The following PDE4D variants were observed in gnomAD, a reference collection of about 807,000 sequenced individuals.
PDE4D encodes the protein phosphodiesterase 4D, also known as 3',5'-cyclic-AMP phosphodiesterase 4D.
PDE4D carries 24 observed loss-of-function variants against 87.4 expected under a neutral mutation model. The ratio of observed to expected loss-of-function variants is 0.27; its 90% CI spans 0.20 to 0.39. The LOEUF is 0.39. Among genes scored for constraint, PDE4D ranks in the 10% least tolerant of loss-of-function variants. The pLI is 1.00. For missense variants in PDE4D, 714 were observed against 1,041.0 expected, an observed-to-expected ratio of 0.69 and a Z score of 4.32; for synonymous variants, 384 against 383.2, an observed-to-expected ratio of 1.00 and a Z score of -0.02.
intron 5 of PDE4D, among the ~76,000 whole-genome samples, chr5:59,127,372 T>C (rs1321379483): frequency 1.3e-5 from 2 of 152,178 alleles, no homozygotes; most frequent in Admixed American, 1.3e-4. Flanking sequence ...GCACAGTTTG[T>C]TTTATGTGCA....
At chr5:59,618,467 C>G (rs535453741) in intron 1 of PDE4D, among the ~76,000 whole-genome samples, 2 of 152,074 alleles carry the variant, frequency 1.3e-5, no homozygotes, top group Admixed American at 6.6e-5. Context: ...ACAGAACAGG[C>G]GTCGGGTTCT....
intron 5 of PDE4D, among the ~76,000 whole-genome samples, chr5:59,055,266 T>C (rs1441022276): frequency 6.6e-6 from 1 of 152,262 alleles, no homozygotes; most frequent in East Asian, 1.9e-4. Context: ...CCTCCCTTCC[T>C]CTGTCAATCC....
At chr5:59,403,313 T>C (rs1017734418) in intron 1 of PDE4D, among the ~76,000 whole-genome samples, 2 of 152,314 alleles carry the variant, frequency 1.3e-5, no homozygotes, top group East Asian at 3.9e-4. Context: ...AATTCAATTA[T>C]ATTCTCTTAG....
chr5:60,503,717 G>A (rs753451579), intron 1 of PDE4D, among the ~76,000 whole-genome samples: 56 of 151,948 alleles, frequency 3.7e-4, no homozygotes, highest in Non-Finnish European at 1.0e-4. Flanking sequence ...GGTCTTCTAC[G>A]GGTTTATCAG....
chr5:59,021,163 T>C (rs933296742), intron 6 of PDE4D, among the ~76,000 whole-genome samples: 4 of 152,100 alleles, frequency 2.6e-5, no homozygotes, highest in Admixed American at 6.6e-5. Context: ...TTAGACACAG[T>C]GAAGTGAAGA....
At chr5:59,486,475 C>A (rs943817247) in intron 1 of PDE4D, among the ~76,000 whole-genome samples, 1 of 152,132 alleles carries the variant, frequency 6.6e-6, no homozygotes, top group Admixed American at 6.6e-5. Flanking sequence ...TGTATGAATT[C>A]TTTACAGGTT....
chr5:60,034,402 C>T (rs1767563905), intron 2 of PDE4D, among the ~76,000 whole-genome samples: 1 of 152,146 alleles, frequency 6.6e-6, no homozygotes, highest in Admixed American at 6.5e-5. Context: ...TTTCTTCTTC[C>T]AGCTTCTAGA....
intron 1 of PDE4D, among the ~76,000 whole-genome samples, chr5:59,437,542 C>G (rs969260185): frequency 2.0e-5 from 3 of 152,204 alleles, no homozygotes; most frequent in South Asian, 2.1e-4. Context: ...CTAGCTAGTT[C>G]AGCAAAGAGG....
chr5:58,972,425 T>C lies in PDE4D; in HGVS notation c.*2239A>G, dbSNP rs1013994372. 6.6e-6 allele frequency: 1 copy of C among 152,564 alleles called. No homozygotes were observed. Among genetic ancestry groups the C allele is most frequent in the Non-Finnish European group, 1.5e-5 (1 of 68,024 alleles). The allele number at this position is 152,564 out of a possible 1,614,324, so 9.5% of individuals were successfully genotyped here. ...AAAGATCAGAGTTATAAAGACATAA[T>C]TTTTATTTCAAAGGATCTAAGCATC... On this transcript the variant is annotated 3_prime_UTR_variant, in exon 15 of 15. Transcript: ENST00000340635.
chr5:59,415,862 C>T (rs915558553), intron 1 of PDE4D, among the ~76,000 whole-genome samples: 1 of 152,048 alleles, frequency 6.6e-6, no homozygotes, highest in Non-Finnish European at 1.5e-5. Context: ...AAATGTGGTA[C>T]CAGAAGACCT....
At chr5:59,328,388 T>C (rs985060252) in intron 1 of PDE4D, among the ~76,000 whole-genome samples, 9 of 152,202 alleles carry the variant, frequency 5.9e-5, no homozygotes, top group African/African-American at 1.9e-4. Context: ...AGTATAGCTG[T>C]TATATGGGAG....
intron 6 of PDE4D, among the ~76,000 whole-genome samples, chr5:59,009,967 T>C (rs1196326164): frequency 3.9e-5 from 6 of 152,174 alleles, no homozygotes; most frequent in Non-Finnish European, 8.8e-5. Flanking sequence ...AAAACAGGCA[T>C]ACAGTTATCC....
At chr5:59,865,325 T>C (rs1746857970) in intron 1 of PDE4D, among the ~76,000 whole-genome samples, 1 of 152,230 alleles carries the variant, frequency 6.6e-6, no homozygotes, top group Non-Finnish European at 1.5e-5. Context: ...ATTTTGGTAA[T>C]TCTCCCATGT....
At chr5:60,107,397 A>C (rs1777104208) in intron 2 of PDE4D, among the ~76,000 whole-genome samples, 1 of 152,194 alleles carries the variant, frequency 6.6e-6, no homozygotes, top group African/African-American at 2.4e-5. Flanking sequence ...GTCCAGGACC[A>C]GATGGATTCA....
intron 1 of PDE4D, among the ~76,000 whole-genome samples, chr5:59,851,481 A>G (rs1744655460): frequency 2.0e-5 from 3 of 152,086 alleles, no homozygotes; most frequent in East Asian, 3.9e-4. Context: ...TAAGATTCCC[A>G]TCTCCTCATG....
chr5:60,520,195 T>C (rs1398708305), intron 1 of PDE4D, among the ~76,000 whole-genome samples: 1 of 152,192 alleles, frequency 6.6e-6, no homozygotes, highest in Non-Finnish European at 1.5e-5. Flanking sequence ...TACAGCCAGA[T>C]ACACTCTGGT....
intron 6 of PDE4D, among the ~76,000 whole-genome samples, chr5:59,002,646 C>G (rs1030267228): frequency 1.3e-5 from 2 of 152,170 alleles, no homozygotes; most frequent in Admixed American, 1.3e-4. Flanking sequence ...CAGCCCAGAG[C>G]CAGACCTGAG....
chr5:59,902,964 T>C (rs932858503), intron 3 of PDE4D, among the ~76,000 whole-genome samples: 2 of 152,184 alleles, frequency 1.3e-5, no homozygotes, highest in Admixed American at 1.3e-4. Flanking sequence ...AGTTTTAAAG[T>C]TTTATAGTTA....
At chr5:59,170,270 G>A (rs1393478919) in intron 5 of PDE4D, among the ~76,000 whole-genome samples, 1 of 152,106 alleles carries the variant, frequency 6.6e-6, no homozygotes, top group Non-Finnish European at 1.5e-5. Context: ...TTCCTCCCTT[G>A]CCTCCCAAAG....
Sources: gnomAD v4.1 joint callset for allele counts (sites outside exome capture counted in the v4.1 genomes callset) on GRCh38, gnomAD v4.1.1 for gene constraint, MANE v1.5 for transcripts, NCBI Gene and HGNC (gene_info 2026-07-23, HGNC 2026-07-21) for gene names.